The following STOX2 variants were observed in gnomAD, a reference collection of about 807,000 sequenced individuals.
The protein encoded by STOX2 is storkhead-box protein 2.
Under a neutral mutation model 60.9 loss-of-function variants are expected in STOX2, and 28 were observed. The ratio of observed to expected loss-of-function variants is 0.46; its 90% CI spans 0.34 to 0.63. The LOEUF (loss-of-function observed/expected upper bound fraction) is 0.63, where lower values mean the gene tolerates loss of function less well. Ranked by LOEUF, STOX2 falls within the 30% of genes least tolerant of loss-of-function variation. STOX2 has a pLI of 0.01. For missense variants in STOX2, 1,024 were observed against 1,187.7 expected (o/e 0.86, Z 2.03); for synonymous variants, 472 against 463.9 (o/e 1.02, Z -0.22).
At chr4:183,901,804 T>G (rs536486694), upstream of STOX2, among the ~76,000 whole-genome samples, 2 of 152,258 alleles carry the variant, frequency 1.3e-5, no homozygotes, top group South Asian at 4.1e-4. Context: ...GTTGTTGAGA[T>G]TTAGGAGTTC....
intron 1 of STOX2, among the ~76,000 whole-genome samples, chr4:183,908,158 C>T (rs981648533): frequency 2.0e-5 from 3 of 152,184 alleles, no homozygotes; most frequent in Non-Finnish European, 2.9e-5. Flanking sequence ...TTTTTTATTG[C>T]AAAGTCAGGC....
At chr4:183,862,119 A>C (rs1173883818) in intron 1 of STOX2, among the ~76,000 whole-genome samples, 1 of 152,174 alleles carries the variant, frequency 6.6e-6, no homozygotes, top group African/African-American at 2.4e-5. Context: ...CAGACAACAA[A>C]AGCATATGAG....
intron 1 of STOX2, among the ~76,000 whole-genome samples, chr4:183,964,866 G>C (rs113884380): frequency 0.02 from 2,978 of 152,324 alleles, 99 homozygotes; most frequent in African/African-American, 0.068. Flanking sequence ...TTACAGGCAT[G>C]AGCCACTGTG....
At chr4:183,975,354 A>G (rs185608251) in intron 1 of STOX2, among the ~76,000 whole-genome samples, 2 of 152,256 alleles carry the variant, frequency 1.3e-5, no homozygotes, top group East Asian at 3.9e-4. Context: ...GTAGATATCA[A>G]TGAATTTGAA....
chr4:183,842,793 A>G (rs1363375925), intron 1 of STOX2, among the ~76,000 whole-genome samples: 1 of 151,820 alleles, frequency 6.6e-6, no homozygotes, highest in Non-Finnish European at 1.5e-5. Flanking sequence ...CACTGCAGTC[A>G]TCTCTCATAG....
rs549052509 is a variant in STOX2 at position 183,949,653 on chromosome 4, G to A, written c.166+42697G>A. Among the ~76,000 whole-genome samples the A allele has an allele frequency of 1.2e-4, 18 of 152,304 alleles. No homozygotes were observed. In the South Asian group the frequency reaches 3.3e-3, roughly 28 times the overall value. On this transcript the variant is annotated intron_variant, in intron 1 of 3. Coordinates refer to ENST00000308497, the MANE Select transcript of STOX2 (RefSeq NM_020225.3). ...ATGTAGGTTGCAGTGAGCCCAGATC[G>A]TGCCATTGTACTCCAGCCTGGGCGA...
chr4:183,851,292 A>G (rs202197074), intron 1 of STOX2, among the ~76,000 whole-genome samples: 352 of 25,168 alleles, frequency 0.014, 1 homozygote, highest in Middle Eastern at 0.02. Flanking sequence ...AAAGGATGAG[A>G]GAAAGGATGA....
At chr4:183,981,535 G>A (rs1451868960) in intron 1 of STOX2, among the ~76,000 whole-genome samples, 2 of 152,010 alleles carry the variant, frequency 1.3e-5, no homozygotes, top group African/African-American at 2.4e-5. Flanking sequence ...GCAACACTTC[G>A]TTTTTCTGTG....
chr4:183,994,585 A>T (rs547436113), intron 1 of STOX2, among the ~76,000 whole-genome samples: 1 of 152,232 alleles, frequency 6.6e-6, no homozygotes, highest in African/African-American at 2.4e-5. Context: ...TGCTGCATTC[A>T]TATAGGATCA....
At chr4:183,998,894 C>T (rs1351799647) in intron 1 of STOX2, among the ~76,000 whole-genome samples, 1 of 151,950 alleles carries the variant, frequency 6.6e-6, no homozygotes, top group Non-Finnish European at 1.5e-5. Flanking sequence ...GTGGCTCACA[C>T]CTGTAATTCC....
chr4:183,815,709 C>A (rs1237862288), intron 1 of STOX2, among the ~76,000 whole-genome samples: 2 of 152,176 alleles, frequency 1.3e-5, no homozygotes, highest in Non-Finnish European at 2.9e-5. Flanking sequence ...TTTATTGTTA[C>A]TGTTCAACCT....
At chr4:183,850,558 G>A (rs564315547) in intron 1 of STOX2, among the ~76,000 whole-genome samples, 5 of 151,846 alleles carry the variant, frequency 3.3e-5, no homozygotes, top group South Asian at 2.1e-4. Context: ...GTGAAACCCC[G>A]TCTCTACTAA....
intron 1 of STOX2, among the ~76,000 whole-genome samples, chr4:183,896,713 T>C (rs575538440): frequency 1.3e-5 from 2 of 152,388 alleles, no homozygotes; most frequent in South Asian, 4.1e-4. Context: ...ACAGCTCATC[T>C]GATCTTCACG....
chr4:183,833,842 C>CGTG (rs898549745), intron 1 of STOX2, among the ~76,000 whole-genome samples: 8 of 151,110 alleles, frequency 5.3e-5, no homozygotes, highest in African/African-American at 1.9e-4. Context: ...ATTAGCCGGG[C>CGTG]GTGGTGGCAG....
At chr4:183,915,122 G>T (rs1374575114) in intron 1 of STOX2, among the ~76,000 whole-genome samples, 3 of 152,152 alleles carry the variant, frequency 2.0e-5, no homozygotes, top group Non-Finnish European at 4.4e-5. Context: ...GCCCCTCCAG[G>T]CCAAGTTTTC....
chr4:183,869,120 A>G (rs1413149620), intron 1 of STOX2, among the ~76,000 whole-genome samples: 1 of 152,228 alleles, frequency 6.6e-6, no homozygotes, highest in Non-Finnish European at 1.5e-5. Context: ...GGATAGTGAA[A>G]TTAAAACTTC....
intron 1 of STOX2, among the ~76,000 whole-genome samples, chr4:183,916,849 A>G (rs1170767177): frequency 1.3e-5 from 2 of 152,132 alleles, no homozygotes; most frequent in Admixed American, 1.3e-4. Flanking sequence ...CCCCTTTCCA[A>G]TAACACCCTC....
At chr4:183,956,330 A>G (rs901772818) in intron 1 of STOX2, among the ~76,000 whole-genome samples, 2 of 152,128 alleles carry the variant, frequency 1.3e-5, no homozygotes, top group African/African-American at 4.8e-5. Flanking sequence ...ATTCACCTAG[A>G]TTTACTAATT....
At position 184,022,333 on chromosome 4, in the gene STOX2, T is replaced by C. The variant is rs537277452; in HGVS notation, c.*5049T>C. ...TATTGAGTTAATTCTCTGCATCTTT[T>C]GCAGCAGCAGCCCACAAGGAGATTC... On this transcript the variant is annotated 3_prime_UTR_variant, in exon 4 of 4. Coordinates refer to ENST00000308497, the MANE Select transcript of STOX2 (RefSeq NM_020225.3). The C allele has an allele frequency of 6.6e-6, 1 of 152,332 alleles. No individual in the cohort carries two copies. The highest frequency in any genetic ancestry group is 2.1e-4 in the South Asian group (1 of 4,826). 9.4% of individuals were successfully genotyped at this position (152,332 alleles called of 1,614,324 possible). A position where few individuals can be genotyped will look rare whatever the true frequency, so the allele number is the denominator to read the frequency against.
Sources: gnomAD v4.1 joint callset for allele counts (sites outside exome capture counted in the v4.1 genomes callset) on GRCh38, gnomAD v4.1.1 for gene constraint, MANE v1.5 for transcripts, NCBI Gene and HGNC (gene_info 2026-07-23, HGNC 2026-07-21) for gene names.